CDYL: variants seen among roughly 807,000 people sequenced by gnomAD.
CDYL encodes chromodomain Y like.
Under a neutral mutation model 47.3 loss-of-function variants are expected in CDYL, and 8 were observed. That is an observed-to-expected ratio of 0.17 (90% confidence interval 0.10 to 0.31). The LOEUF (loss-of-function observed/expected upper bound fraction) is 0.31. Ranked by LOEUF, CDYL falls within the 10% of genes least tolerant of loss-of-function variation. The pLI is 1.00. For missense variants in CDYL, 471 were observed against 701.4 expected (o/e 0.67, Z 3.71); for synonymous variants, 266 against 265.0 (o/e 1.00, Z -0.04).
chr6:4,891,570 A>G (rs1715188129), intron 1 of CDYL, 143 bp from the exon 2 acceptor site: 1 of 661,676 alleles, frequency 1.5e-6, no homozygotes, highest in Non-Finnish European at 2.6e-6. Context: ...CAAATGGCCT[A>G]TTACTATTTT....
chr6:4,762,004 C>T (rs1429733349), intron 3 of CDYL, among the ~76,000 whole-genome samples: 4 of 152,214 alleles, frequency 2.6e-5, no homozygotes, highest in South Asian at 2.1e-4. Context: ...GAGGTGAGCC[C>T]GGAGTTTCTG....
intron 2 of CDYL, among the ~76,000 whole-genome samples, chr6:4,896,306 C>A (rs993550508): frequency 6.6e-6 from 1 of 152,202 alleles, no homozygotes; most frequent in African/African-American, 2.4e-5. Context: ...TGCCCTGGTA[C>A]CTGTGCAGAG....
chr6:4,763,372 C>T (rs12525715), intron 3 of CDYL, among the ~76,000 whole-genome samples: 1,799 of 151,738 alleles, frequency 0.012, 88 homozygotes, highest in Admixed American at 0.081. Context: ...ATTGCATAAG[C>T]CAATAATTAT....
chr6:4,933,452 T>C (rs369828485), intron 2 of CDYL, among the ~76,000 whole-genome samples: 2 of 152,260 alleles, frequency 1.3e-5, no homozygotes, highest in East Asian at 3.9e-4. Flanking sequence ...ACTCAGAAGG[T>C]TCCTGGCCAT....
intron 2 of CDYL, among the ~76,000 whole-genome samples, chr6:4,929,592 A>C (rs934826557): frequency 2.0e-5 from 3 of 151,964 alleles, no homozygotes; most frequent in African/African-American, 7.3e-5. Flanking sequence ...ATTGTCCTAC[A>C]GGGCACTCAG....
chr6:4,823,964 A>C (rs7763686), intron 1 of CDYL, among the ~76,000 whole-genome samples: 73,097 of 152,070 alleles, frequency 0.48, 20,927 homozygotes, highest in East Asian at 0.82. Context: ...TAGATATTTG[A>C]TATAAGGGAG....
At chr6:4,855,308 GCT>G (rs1760973717) in intron 1 of CDYL, among the ~76,000 whole-genome samples, 1 of 152,106 alleles carries the variant, frequency 6.6e-6, no homozygotes, top group Non-Finnish European at 1.5e-5. Flanking sequence ...ATGAGGTCTT[GCT>G]CTGTCACCCA....
intron 3 of CDYL, among the ~76,000 whole-genome samples, chr6:4,745,591 TTA>T (rs1757879521): frequency 4.0e-4 from 1 of 2,478 alleles, no homozygotes; most frequent in Non-Finnish European, 2.3e-3. Context: ...AAAATAAAAA[TTA>T]AAAAAAAAAA....
In CDYL at chr6:4,895,455, A is replaced by ATG. The variant is rs374980853; in HGVS notation, c.691+3076_691+3077insTG. On this transcript the variant is annotated intron_variant, in intron 2 of 6. Coordinates refer to ENST00000397588, the MANE Select transcript of CDYL (RefSeq NM_004824.4). ...CATGTATACGTATATATGCATATAT[A>ATG]CATGTATACATATATACGTATATAT... is the stretch of plus-strand genomic sequence containing the variant. Among the ~76,000 whole-genome samples the ATG allele has an allele frequency of 2.3e-3, 6 of 2,630 alleles. 3 individuals carry two copies. Among genetic ancestry groups the ATG allele is most frequent in the African/African-American group, 2.3e-3 (6 of 2,558 alleles). 1.7% of individuals were successfully genotyped at this position (2,630 alleles called of 152,430 possible). A position where few individuals can be genotyped will look rare whatever the true frequency, so the allele number is the denominator to read the frequency against.
At chr6:4,808,599 T>G (rs1759437099) in intron 1 of CDYL, among the ~76,000 whole-genome samples, 1 of 152,216 alleles carries the variant, frequency 6.6e-6, no homozygotes, top group Admixed American at 6.5e-5. Context: ...TAAATAAAGT[T>G]TTATTGGAAC....
At chr6:4,814,281 A>G (rs761590564) in intron 1 of CDYL, among the ~76,000 whole-genome samples, 2 of 152,158 alleles carry the variant, frequency 1.3e-5, no homozygotes, top group Non-Finnish European at 2.9e-5. Flanking sequence ...GTAAGCAGCT[A>G]TTTTTATGTT....
intron 1 of CDYL, among the ~76,000 whole-genome samples, chr6:4,837,714 C>A (rs936196719): frequency 6.6e-6 from 1 of 152,046 alleles, no homozygotes; most frequent in Non-Finnish European, 1.5e-5. Context: ...CCACCCACCT[C>A]AGCCTCCCAA....
chr6:4,927,386 T>G (rs116727946), intron 2 of CDYL, among the ~76,000 whole-genome samples: 3,902 of 151,798 alleles, frequency 0.026, 74 homozygotes, highest in South Asian at 0.044. Flanking sequence ...GATCAATTTT[T>G]TATGTTTTAG....
Position 4,943,696 on chromosome 6 carries a change from C to T in CDYL, c.1272C>T (p.Phe424=), listed in dbSNP as rs372837191. ...GGTTTCAAACACCCTATACCACCTT[C>T]GGACAGAGTCCAGATGGCTGTTCTA... ...KAWFQTPYTT[F]GQSPDGCSTV... Residue 424 remains phenylalanine, a synonymous_variant, in exon 5 of 7, where the codon TTC becomes TTT. Transcript: ENST00000397588. The T allele has an allele frequency of 1.5e-4, 239 of 1,612,130 alleles. No homozygotes were observed. Among genetic ancestry groups the T allele is most frequent in the Non-Finnish European group, 2.0e-4 (232 of 1,179,842 alleles).
intron 1 of CDYL, among the ~76,000 whole-genome samples, chr6:4,844,731 T>C (rs1760603085): frequency 6.6e-6 from 1 of 152,232 alleles, no homozygotes; most frequent in Non-Finnish European, 1.5e-5. Context: ...CATTTTATTA[T>C]TGAAAAAGTT....
intron 3 of CDYL, among the ~76,000 whole-genome samples, chr6:4,743,968 G>T (rs1466282944): frequency 6.6e-6 from 1 of 152,156 alleles, no homozygotes; most frequent in East Asian, 1.9e-4. Flanking sequence ...TGTAGCTTGT[G>T]AGACTTTTCT....
chr6:4,780,980 C>CT (rs142377922), intron 1 of CDYL, among the ~76,000 whole-genome samples: 9,424 of 152,174 alleles, frequency 0.062, 330 homozygotes, highest in Middle Eastern at 0.088. Flanking sequence ...TTAATAATTC[C>CT]TTTTTTCCTC....
intron 1 of CDYL, among the ~76,000 whole-genome samples, chr6:4,883,600 A>C (rs906058388): frequency 2.6e-5 from 4 of 152,238 alleles, no homozygotes; most frequent in Admixed American, 2.6e-4. Context: ...GACCACTGTC[A>C]GGCAGTTCTT....
At position 4,776,821 on chromosome 6, in the gene CDYL, C is replaced by A; in HGVS notation, c.24+14C>A. The A allele has an allele frequency of 5.8e-6, 6 of 1,030,604 alleles. No individual in the cohort carries two copies. The highest frequency in any genetic ancestry group is 7.1e-6 in the Non-Finnish European group (6 of 845,018). The allele number at this position is 1,030,604 out of a possible 1,614,324, so 63.8% of individuals were successfully genotyped here. On this transcript the variant is annotated intron_variant, in intron 1 of 6. Coordinates refer to ENST00000397588, the MANE Select transcript of CDYL (RefSeq NM_004824.4). ...GAGCTGTACGAGGTACCTCCCCTCC[C>A]CCCGGCCTCGGGCCGCCCCCCGCCC...
Sources: allele counts gnomAD v4.1 joint callset (sites outside exome capture counted in the v4.1 genomes callset), GRCh38; gene constraint gnomAD v4.1.1; transcripts MANE v1.5; gene names NCBI Gene and HGNC (gene_info 2026-07-23, HGNC 2026-07-21).